DNAH1: variants seen among roughly 807,000 people sequenced by gnomAD.
The protein encoded by DNAH1 is dynein axonemal heavy chain 1, also known as axonemal beta dynein heavy chain 1.
Under a neutral mutation model 484.3 loss-of-function variants are expected in DNAH1, and 327 were observed. The ratio of observed to expected loss-of-function variants is 0.68; its 90% CI spans 0.62 to 0.74. DNAH1 has a LOEUF of 0.74. Among genes scored for constraint, DNAH1 ranks in the 30% least tolerant of loss-of-function variants. DNAH1 has a pLI of 0.00. For synonymous variants in DNAH1, 2,192 were observed against 2,191.9 expected (o/e 1.00, Z 0.00); for missense variants, 5,052 against 5,546.8 (o/e 0.91, Z 2.83).
chr3:52,350,622 C>T (rs546049364), intron 16 of DNAH1, 32 bp downstream of exon 16: 77 of 1,598,880 alleles, frequency 4.8e-5, no homozygotes, highest in East Asian at 3.8e-4. Context: ...ATGCCAGGTG[C>T]GGGGTGGAGC....
At position 52,393,422 on chromosome 3, in the gene DNAH1, C is replaced by T. The variant is rs747769106; in HGVS notation, c.10563C>T (p.His3521=). 6.2e-7 allele frequency: 1 copy of T among 1,613,940 alleles called. No homozygotes were observed. The highest frequency in any genetic ancestry group is 1.3e-5 in the African/African-American group (1 of 74,934). ...TCTGCCGCAGCCTCTTTGAGAAGCA[C>T]AAGCTGATGTTTGCCTTCCTGCTGT... The part of the protein sequence containing the change: ...SNVCRSLFEK[H]KLMFAFLLCV... Residue 3521 remains histidine (H), a synonymous_variant, in exon 66 of 78, where the codon CAC becomes CAT. Coordinates refer to ENST00000420323, the MANE Select transcript of DNAH1 (RefSeq NM_015512.5).
In DNAH1 at chr3:52,347,983, T is replaced by C. The variant is rs1387401522; in HGVS notation, c.2106+9T>C. 1 of 1,602,860 alleles carries C rather than the reference T, an allele frequency of 6.2e-7. No homozygotes were observed. Among genetic ancestry groups the C allele is most frequent in the Non-Finnish European group, 8.5e-7 (1 of 1,174,754 alleles). On this transcript the variant is annotated intron_variant, in intron 12 of 77. Coordinates refer to ENST00000420323, the MANE Select transcript of DNAH1 (RefSeq NM_015512.5). Reference sequence around the variant, plus strand: ...TGCCCCAGCTGGAGAAGGTACGTGCTGCAGCCTGAGCAGGCCCCAGGCACC... The same window carrying C: ...TGCCCCAGCTGGAGAAGGTACGTGCCGCAGCCTGAGCAGGCCCCAGGCACC...
chr3:52,372,464 C>G (rs962268556), intron 43 of DNAH1, 77 bp downstream of exon 43: 5 of 1,567,692 alleles, frequency 3.2e-6, no homozygotes, highest in Non-Finnish European at 4.3e-6. Flanking sequence ...CACCTCTCCA[C>G]CAAATTATGC....
At chr3:52,356,500 T>C in intron 21 of DNAH1, 114 bp from the exon 22 acceptor site, 1 of 1,032,178 alleles carries the variant, frequency 9.7e-7, no homozygotes, top group Non-Finnish European at 1.4e-6. Context: ...GGCTTTGGTG[T>C]CCAGTGCTCT....
chr3:52,355,515 G>A lies in DNAH1; in HGVS notation c.3693+460G>A, dbSNP rs971769317. On this transcript the variant is annotated intron_variant, in intron 21 of 77. Coordinates refer to ENST00000420323, the MANE Select transcript of DNAH1 (RefSeq NM_015512.5). The surrounding 1 kb of genome is among the most constrained non-coding windows in gnomAD (Gnocchi z 4.5). Reference sequence around the variant, plus strand: ...CTTGGTTGAGGGGACTGGGCCACCAGGGACTGCACTTGTCTTGGGCTCTCA... The same window carrying A: ...CTTGGTTGAGGGGACTGGGCCACCAAGGACTGCACTTGTCTTGGGCTCTCA... Among the ~76,000 whole-genome samples the A allele has an allele frequency of 6.6e-6, 1 of 152,250 alleles. No individual in the cohort carries two copies. Among genetic ancestry groups the A allele is most frequent in the Non-Finnish European group, 1.5e-5 (1 of 68,052 alleles).
rs768412693 is a variant in DNAH1 at position 52,395,349 on chromosome 3, C to T, written c.11010C>T (p.Thr3670=). ...TGGTGTTCAAAGACTCCAACTCCAC[C>T]ACACCCCTCATCTTTGTGCTGTCAC... is the stretch of plus-strand genomic sequence containing the variant. The part of the protein sequence containing the change: ...LSVVFKDSNS[T]TPLIFVLSPG... The change falls in exon 69 of 78, where the codon ACC becomes ACT. Residue 3670 remains threonine, a synonymous_variant. Transcript: ENST00000420323. This position sits in a 1 kb window ranked among gnomAD's most constrained non-coding sequence, Gnocchi z 4.4. The T allele has an allele frequency of 6.2e-7, 1 of 1,613,794 alleles. No homozygotes were observed. Among genetic ancestry groups the T allele is most frequent in the Non-Finnish European group, 8.5e-7 (1 of 1,179,862 alleles).
At chr3:52,374,874 G>A in intron 44 of DNAH1, 1 of 1,082,850 alleles carries the variant, frequency 9.2e-7, no homozygotes, top group South Asian at 1.3e-5. Flanking sequence ...TCTAGCCAAA[G>A]CCAATCCCCA....
intron 44 of DNAH1, among the ~76,000 whole-genome samples, chr3:52,373,400 C>G (rs571767435): frequency 2.6e-5 from 4 of 152,042 alleles, no homozygotes; most frequent in Admixed American, 2.0e-4. Context: ...CCAGCCATGC[C>G]GAATAAAACA....
rs763660995 is a variant in DNAH1, at chr3:52,399,158, G to T, written c.12398G>T (p.Arg4133Leu). The T allele has an allele frequency of 4.3e-6, 7 of 1,613,200 alleles. No homozygotes were observed. The Admixed American group carries it at 6.7e-5, about 15-fold the overall frequency. The change falls in exon 76 of 78, where the codon CGC (arginine) becomes CTC (leucine). Residue 4133 changes from arginine (R) to leucine (L), a missense_variant. Transcript: ENST00000420323. ...FLTGTLQNFA[R>L]KFVISIDTIS... ...ACAGGCACTCTGCAGAATTTTGCCC[G>T]CAAATTTGTCATCTCCATTGACACC...
At chr3:52,335,766 C>T (rs1189246256) in intron 8 of DNAH1, among the ~76,000 whole-genome samples, 1 of 151,970 alleles carries the variant, frequency 6.6e-6, no homozygotes, top group African/African-American at 2.4e-5. Context: ...TCCTGAGTAG[C>T]TGGGATTACA....
Position 52,395,692 on chromosome 3 carries a change from C to T in DNAH1, c.11259+14C>T. On this transcript the variant is annotated intron_variant, in intron 70 of 77. Transcript: ENST00000420323. The surrounding 1 kb of genome is among the most constrained non-coding windows in gnomAD (Gnocchi z 4.4). ...AACCCCGACAAGGTGTGTTGCCCTG[C>T]CCATCACAGACCCAGTGGGGCCGCC... The T allele has an allele frequency of 1.2e-6, 2 of 1,611,082 alleles. No individual in the cohort carries two copies. Among genetic ancestry groups the T allele is most frequent in the East Asian group, 4.5e-5 (2 of 44,768 alleles).
At chr3:52,332,507 G>A in intron 8 of DNAH1, 113 bp downstream of exon 8, 1 of 1,468,756 alleles carries the variant, frequency 6.8e-7, no homozygotes, top group Non-Finnish European at 9.1e-7. Flanking sequence ...ATCTGTTTGA[G>A]ACTGTCCTGG....
rs780417209 is a variant in DNAH1, at chr3:52,395,049, T to C, written c.10958T>C (p.Ile3653Thr). ...FVATNLEPRFIEPQTANLSVV... is the reference protein window; with the variant it reads ...FVATNLEPRFTEPQTANLSVV... ...GCCACCAACCTGGAGCCACGCTTCA[T>C]TGAACCCCAGGCAAGTGCTGGAACC... Residue 3653 changes from isoleucine (I) to threonine (T), a missense_variant, in exon 68 of 78, where the codon ATT becomes ACT. Around this residue, in one of 4 missense-constraint regions of DNAH1, gnomAD observed 853 missense variants for 899.0 expected, o/e 0.95. Coordinates refer to ENST00000420323, the MANE Select transcript of DNAH1 (RefSeq NM_015512.5). The surrounding 1 kb of genome is among the most constrained non-coding windows in gnomAD (Gnocchi z 4.4). 18 of 1,609,020 alleles carry C rather than the reference T, an allele frequency of 1.1e-5. No individual in the cohort carries two copies. Among genetic ancestry groups the C allele is most frequent in the Middle Eastern group, 1.6e-4 (1 of 6,078 alleles).
At position 52,398,160 on chromosome 3, in the gene DNAH1, T is replaced by G; in HGVS notation, c.12087T>G (p.Ile4029Met). The G allele has an allele frequency of 6.3e-7, 1 of 1,588,020 alleles. No homozygotes were observed. Among genetic ancestry groups the G allele is most frequent in the Non-Finnish European group, 8.6e-7 (1 of 1,168,418 alleles). Residue 4029 changes from isoleucine (I) to methionine (M), a missense_variant and splice_region_variant, in exon 75 of 78, where the codon ATT becomes ATG. Physicochemically the swap from Ile to Met is conservative, Grantham distance 10. Transcript: ENST00000420323. ...ACACAGTACTAGTACAAGAGGTCAT[T>G]AGGTAATCACCCCGCCATACCCCTG... is the stretch of plus-strand genomic sequence containing the variant. ...SMNTVLVQEV[I>M]RYNRLLQVIT...
At chr3:52,316,094 C>T (rs527387464), upstream of DNAH1, among the ~76,000 whole-genome samples, 3 of 152,296 alleles carry the variant, frequency 2.0e-5, no homozygotes, top group South Asian at 6.2e-4. Context: ...TCAGCTGTGG[C>T]CTGTCCATCT....
Position 52,362,474 on chromosome 3 carries a change from C to A in DNAH1, c.5067C>A (p.Gly1689=). ...VFITMNPGYA[G]RTELPDNLKA... Reference sequence around the variant, plus strand: ...TCACCATGAACCCGGGCTACGCTGGCCGCACGGAGCTGCCTGACAATCTGA... The same window carrying A: ...TCACCATGAACCCGGGCTACGCTGGACGCACGGAGCTGCCTGACAATCTGA... Residue 1689 remains glycine (G), a synonymous_variant, in exon 31 of 78, where the codon GGC becomes GGA. Coordinates refer to ENST00000420323, the MANE Select transcript of DNAH1 (RefSeq NM_015512.5). This position sits in a 1 kb window ranked among gnomAD's most constrained non-coding sequence, Gnocchi z 5.1. The A allele has an allele frequency of 6.2e-7, 1 of 1,613,888 alleles. No homozygotes were observed. Among genetic ancestry groups the A allele is most frequent in the Non-Finnish European group, 8.5e-7 (1 of 1,179,938 alleles).
rs755863446 is a variant in DNAH1, at chr3:52,372,018, A to C, written c.6598A>C (p.Ile2200Leu). 3.7e-6 allele frequency: 6 copies of C among 1,613,826 alleles called. No homozygotes were observed. The highest frequency in any genetic ancestry group is 1.6e-4 in the Middle Eastern group (1 of 6,062). The change falls in exon 42 of 78, where the codon ATT (isoleucine) becomes CTT (leucine). Residue 2200 changes from isoleucine to leucine, a missense_variant. Transcript: ENST00000420323. Reference protein sequence around the residue: ...MVPDTNYCNIIVPTMDTVQMS... With the variant: ...MVPDTNYCNILVPTMDTVQMS... ...ACCAGACACCAACTACTGCAACATCATTGTGCCCACCATGGACACCGTGCA... is the reference window on the plus strand; with the variant it reads ...ACCAGACACCAACTACTGCAACATCCTTGTGCCCACCATGGACACCGTGCA...
chr3:52,379,819 G>A lies in DNAH1; in HGVS notation c.7378-86G>A, dbSNP rs1703761252. ...GCTCCAGTCAGGGCCCCAGGAACTG[G>A]GGCCCACCCTCCCTTGCCTGGTGGT... is the stretch of plus-strand genomic sequence containing the variant. On this transcript the variant is annotated intron_variant, in intron 47 of 77. Transcript: ENST00000420323. The surrounding 1 kb of genome is among the most constrained non-coding windows in gnomAD (Gnocchi z 4.4). 1 of 1,239,530 alleles carries A rather than the reference G, an allele frequency of 8.1e-7. No individual in the cohort carries two copies. The highest frequency in any genetic ancestry group is 1.5e-5 in the South Asian group (1 of 65,618). The allele number at this position is 1,239,530 out of a possible 1,614,324, so 76.8% of individuals were successfully genotyped here. A position where few individuals can be genotyped will look rare whatever the true frequency, so the allele number is the denominator to read the frequency against.
intron 8 of DNAH1, among the ~76,000 whole-genome samples, chr3:52,337,235 T>C (rs1462664796): frequency 3.3e-5 from 5 of 152,238 alleles, no homozygotes; most frequent in African/African-American, 1.2e-4. Context: ...GCTTGAACAT[T>C]ATTGGTGTAT....
Sources: gnomAD v4.1 joint callset for allele counts (sites outside exome capture counted in the v4.1 genomes callset) on GRCh38, gnomAD v4.1.1 for gene constraint, gnomAD v4.1.1 regional missense constraint, Gnocchi (gnomAD v3.1) non-coding constraint, MANE v1.5 for transcripts, NCBI Gene and HGNC (gene_info 2026-07-23, HGNC 2026-07-21) for gene names.